The following NAALADL2 variants were observed in gnomAD, a reference collection of about 807,000 sequenced individuals.
The protein encoded by NAALADL2 is N-acetylated alpha-linked acidic dipeptidase like 2, also known as inactive N-acetylated-alpha-linked acidic dipeptidase-like protein 2.
NAALADL2 carries 76 observed loss-of-function variants against 87.2 expected under a neutral mutation model. The ratio of observed to expected loss-of-function variants is 0.87; its 90% confidence interval spans 0.72 to 1.05. The LOEUF is 1.05. Among genes scored for constraint, NAALADL2 ranks in the 50% least tolerant of loss-of-function variants. The probability of loss-of-function intolerance (pLI) is 0.00; values close to 1 mark genes in which losing one functional copy is unlikely to be tolerated. For synonymous variants in NAALADL2, 354 were observed against 331.0 expected, an observed-to-expected ratio of 1.07 and a Z score of -0.75; for missense variants, 1,089 against 945.8, an observed-to-expected ratio of 1.15 and a Z score of -1.99.
intron 1 of NAALADL2, among the ~76,000 whole-genome samples, chr3:174,863,100 C>G (rs973925596): frequency 6.6e-6 from 1 of 152,098 alleles, no homozygotes; most frequent in Non-Finnish European, 1.5e-5. Context: ...AAGATAGTCT[C>G]AAGTCCAATG....
At position 174,769,134 on chromosome 3, in the gene NAALADL2, T is replaced by C. The variant is rs190573861; in HGVS notation, c.-9+31388T>C. ...AATTTTTTAAATGTTCCATTTTCGCTAGTCTATATTATTTCCTTTGATGCC... is the reference window on the plus strand; with the variant it reads ...AATTTTTTAAATGTTCCATTTTCGCCAGTCTATATTATTTCCTTTGATGCC... On this transcript the variant is annotated intron_variant, in intron 3 of 3. Transcript: ENST00000434257. Among the ~76,000 whole-genome samples, 186 of 152,142 alleles carry C rather than the reference T, an allele frequency of 1.2e-3. 1 individual carries two copies. Among genetic ancestry groups the C allele is most frequent in the African/African-American group, 4.3e-3 (180 of 41,580 alleles).
chr3:175,334,211 C>A (rs1761735169), intron 5 of NAALADL2, among the ~76,000 whole-genome samples: 1 of 151,952 alleles, frequency 6.6e-6, no homozygotes. Flanking sequence ...TGTTTTAAGT[C>A]CTCTCGATGG....
intron 4 of NAALADL2, among the ~76,000 whole-genome samples, chr3:175,277,936 C>G (rs1753809638): frequency 6.6e-6 from 1 of 152,114 alleles, no homozygotes; most frequent in Admixed American, 6.5e-5. Context: ...TTCAAGCCTC[C>G]TGCATAAATG....
At chr3:174,893,956 A>G (rs2109809672) in intron 1 of NAALADL2, among the ~76,000 whole-genome samples, 1 of 152,316 alleles carries the variant, frequency 6.6e-6, no homozygotes, top group South Asian at 2.1e-4. Flanking sequence ...AGACCCATTG[A>G]TTGGTTGCTT....
chr3:174,532,484 T>A lies in NAALADL2; in HGVS notation c.-183-18085T>A, dbSNP rs974179068. Among the ~76,000 whole-genome samples the A allele has an allele frequency of 2.6e-4, 40 of 152,098 alleles. 1 individual carries two copies. Among genetic ancestry groups the A allele is most frequent in the African/African-American group, 8.2e-4 (34 of 41,394 alleles). On this transcript the variant is annotated intron_variant, in intron 1 of 3. Coordinates refer to the NAALADL2 transcript ENST00000434257. ...TTAGGAGTAAGAGGGACAAAGGCCC[T>A]TTTAGGAGGAACTGTCCTACTGGAG...
At chr3:175,410,179 T>C (rs1282953208) in intron 5 of NAALADL2, among the ~76,000 whole-genome samples, 2 of 152,270 alleles carry the variant, frequency 1.3e-5, no homozygotes, top group Middle Eastern at 3.4e-3. Flanking sequence ...AATGTGGACA[T>C]AGTTAAAGAC....
At chr3:174,700,940 A>T (rs1729488877) in intron 2 of NAALADL2, among the ~76,000 whole-genome samples, 1 of 152,264 alleles carries the variant, frequency 6.6e-6, no homozygotes, top group East Asian at 1.9e-4. Flanking sequence ...GGAGCTTAGC[A>T]TTGTAGGAGG....
chr3:174,680,148 A>G (rs896089531), intron 2 of NAALADL2, among the ~76,000 whole-genome samples: 8 of 54,404 alleles, frequency 1.5e-4, no homozygotes, highest in African/African-American at 4.8e-4. Context: ...TTCTTTGACA[A>G]TTTCTCAAAA....
chr3:175,146,794 T>A (rs1433279639), intron 2 of NAALADL2, among the ~76,000 whole-genome samples: 1 of 151,998 alleles, frequency 6.6e-6, no homozygotes, highest in African/African-American at 2.4e-5. Flanking sequence ...TTGGCTTAAC[T>A]TTTCTCTTTT....
intron 10 of NAALADL2, among the ~76,000 whole-genome samples, chr3:175,613,372 T>TAA (rs1393245238): frequency 6.6e-6 from 1 of 152,214 alleles, no homozygotes; most frequent in Non-Finnish European, 1.5e-5. Context: ...TGAAATACGA[T>TAA]AAAGTAGTGC....
chr3:174,562,614 A>G (rs1431657656), intron 2 of NAALADL2, among the ~76,000 whole-genome samples: 1 of 152,058 alleles, frequency 6.6e-6, no homozygotes, highest in African/African-American at 2.4e-5. Context: ...ATAGTTGTAT[A>G]TGAGCAGGAC....
At chr3:175,340,028 T>C (rs1284582606) in intron 5 of NAALADL2, among the ~76,000 whole-genome samples, 1 of 152,180 alleles carries the variant, frequency 6.6e-6, no homozygotes, top group Non-Finnish European at 1.5e-5. Flanking sequence ...GTTTCATGGG[T>C]GTGGCATATG....
intron 3 of NAALADL2, among the ~76,000 whole-genome samples, chr3:174,792,404 T>C (rs1717572024): frequency 6.6e-6 from 1 of 152,174 alleles, no homozygotes; most frequent in Non-Finnish European, 1.5e-5. Context: ...AAATCCTCAC[T>C]GTTTGCTGCC....
chr3:175,713,852 G>C (rs914752564), intron 11 of NAALADL2, among the ~76,000 whole-genome samples: 2 of 151,882 alleles, frequency 1.3e-5, no homozygotes, highest in Admixed American at 1.3e-4. Flanking sequence ...TCTACATTAG[G>C]TATTTCTCCT....
chr3:174,889,945 G>A (rs1241794078), intron 1 of NAALADL2, among the ~76,000 whole-genome samples: 1 of 152,178 alleles, frequency 6.6e-6, no homozygotes, highest in Non-Finnish European at 1.5e-5. Context: ...GCTCAGATGT[G>A]AGTGTGTGAA....
chr3:175,277,239 A>G (rs568491431), intron 4 of NAALADL2, among the ~76,000 whole-genome samples: 2 of 152,316 alleles, frequency 1.3e-5, no homozygotes, highest in Admixed American at 6.5e-5. Context: ...TACAGTGCCA[A>G]CATATCTTTA....
chr3:174,981,578 A>G (rs1745119044), intron 1 of NAALADL2, among the ~76,000 whole-genome samples: 1 of 152,206 alleles, frequency 6.6e-6, no homozygotes, highest in Non-Finnish European at 1.5e-5. Flanking sequence ...AATGTAATAA[A>G]TAATGTTCTC....
intron 1 of NAALADL2, among the ~76,000 whole-genome samples, chr3:174,888,220 T>G (rs1730431069): frequency 6.6e-6 from 1 of 152,214 alleles, no homozygotes; most frequent in South Asian, 2.1e-4. Flanking sequence ...AAACGAGAGC[T>G]GTGCAATGAT....
intron 3 of NAALADL2, among the ~76,000 whole-genome samples, chr3:174,828,225 T>C (rs764554709): frequency 1.3e-5 from 2 of 151,742 alleles, no homozygotes; most frequent in African/African-American, 4.9e-5. Flanking sequence ...CCCCAAAAGA[T>C]GGATTAGTCT....
Sources: gnomAD v4.1 joint callset for allele counts (sites outside exome capture counted in the v4.1 genomes callset) on GRCh38, gnomAD v4.1.1 for gene constraint, MANE v1.5 for transcripts, NCBI Gene and HGNC (gene_info 2026-07-23, HGNC 2026-07-21) for gene names.